EDNRB: variants seen among roughly 807,000 people sequenced by gnomAD.
The protein encoded by EDNRB is Hirschsprung disease 2.
A neutral mutation model predicts 46.4 loss-of-function variants in EDNRB; 18 were observed. The observed-to-expected ratio is 0.39, with a 90% CI of 0.27 to 0.57. EDNRB has a LOEUF of 0.57. Among genes scored for constraint, EDNRB ranks in the 20% least tolerant of loss-of-function variants. EDNRB has a pLI of 0.61. For synonymous variants in EDNRB, 213 were observed against 204.9 expected (o/e 1.04, Z -0.34); for missense variants, 434 against 537.5 (o/e 0.81, Z 1.90).
At chr13:77,901,710 A>G (rs1566305761) in intron 3 of EDNRB, among the ~76,000 whole-genome samples, 1 of 151,998 alleles carries the variant, frequency 6.6e-6, no homozygotes, top group Non-Finnish European at 1.5e-5. Context: ...CTTTTGACTT[A>G]TGTCGTATCT....
intron 1 of EDNRB, among the ~76,000 whole-genome samples, chr13:77,906,745 C>T (rs1280756092): frequency 6.6e-6 from 1 of 151,994 alleles, no homozygotes; most frequent in Non-Finnish European, 1.5e-5. Flanking sequence ...AGACCCTAAG[C>T]CAGGGCCACC....
chr13:77,971,378 C>A (rs376357606), intron 1 of EDNRB, among the ~76,000 whole-genome samples: 1 of 152,200 alleles, frequency 6.6e-6, no homozygotes, highest in African/African-American at 2.4e-5. Context: ...CTTGTGCTAA[C>A]AGGGCCATTG....
intron 1 of EDNRB, among the ~76,000 whole-genome samples, chr13:77,967,633 C>A (rs1011983685): frequency 7.2e-5 from 11 of 152,192 alleles, no homozygotes; most frequent in African/African-American, 2.7e-4. Flanking sequence ...GTGCAACCTA[C>A]ATTGGTAGAG....
chr13:77,963,056 C>T (rs1480178700), intron 1 of EDNRB, among the ~76,000 whole-genome samples: 1 of 152,178 alleles, frequency 6.6e-6, no homozygotes, highest in Non-Finnish European at 1.5e-5. Flanking sequence ...AGGAATCCAA[C>T]TTACAAGGGA....
chr13:77,920,488 A>T (rs1566319185), upstream of EDNRB, among the ~76,000 whole-genome samples: 1 of 152,186 alleles, frequency 6.6e-6, no homozygotes, highest in African/African-American at 2.4e-5. Flanking sequence ...TTTCACCCAG[A>T]GACAGGAGGC....
chr13:77,966,797 G>T (rs1191421306), intron 1 of EDNRB, among the ~76,000 whole-genome samples: 1 of 152,138 alleles, frequency 6.6e-6, no homozygotes, highest in Admixed American at 6.6e-5. Context: ...TTCTGAGACT[G>T]ACTATGTGAA....
chr13:77,923,737 C>A (rs940682437), upstream of EDNRB, among the ~76,000 whole-genome samples: 1 of 149,490 alleles, frequency 6.7e-6, no homozygotes, highest in African/African-American at 2.5e-5. Flanking sequence ...GAAAGAGAAA[C>A]TTGGATCTTT....
At chr13:77,916,769 A>AT (rs1879826284) in intron 1 of EDNRB, among the ~76,000 whole-genome samples, 1 of 152,184 alleles carries the variant, frequency 6.6e-6, no homozygotes. Context: ...GCTATAGGCA[A>AT]ATCTGCAAAG....
chr13:77,938,349 T>C (rs1880629955), intron 1 of EDNRB, among the ~76,000 whole-genome samples: 2 of 146,800 alleles, frequency 1.4e-5, no homozygotes, highest in South Asian at 4.4e-4. Flanking sequence ...AGATAAGAGG[T>C]CGGGGTATGG....
Position 77,957,560 on chromosome 13 carries a change from A to G in EDNRB, c.-52+17787T>C, listed in dbSNP as rs562873440. 2.6e-3 allele frequency among the ~76,000 whole-genome samples: 403 copies of G among 152,360 alleles called. 4 individuals carry two copies. Among genetic ancestry groups the G allele is most frequent in the African/African-American group, 9.3e-3 (387 of 41,584 alleles). On this transcript the variant is annotated intron_variant, in intron 1 of 7. Coordinates refer to the EDNRB transcript ENST00000646948. ...TATTTTCCCAGTCTGTCATTTGGGA[A>G]TAACAATAATACCTATCCTAGAAGG...
rs1878663828 is a variant in EDNRB, at chr13:77,897,000, G to A, written c.*1200C>T. ...AAAATAATACAAAAATTAGTAATAAGCTTTACAGGTAGCTGTTAAATGTAC... is the reference window on the plus strand; with the variant it reads ...AAAATAATACAAAAATTAGTAATAAACTTTACAGGTAGCTGTTAAATGTAC... On this transcript the variant is annotated 3_prime_UTR_variant, in exon 7 of 7. Transcript: ENST00000646607. 2 of 990,530 alleles carry A rather than the reference G, an allele frequency of 2.0e-6. No homozygotes were observed. Among genetic ancestry groups the A allele is most frequent in the Non-Finnish European group, 2.4e-6 (2 of 833,564 alleles). 61.4% of individuals were successfully genotyped at this position (990,530 alleles called of 1,614,324 possible).
chr13:77,907,488 T>C (rs1450778565), intron 1 of EDNRB, among the ~76,000 whole-genome samples: 1 of 151,930 alleles, frequency 6.6e-6, no homozygotes, highest in Non-Finnish European at 1.5e-5. Context: ...AACCAATTCC[T>C]CATTATCTAT....
Position 77,968,984 on chromosome 13 carries a change from G to A in EDNRB, c.-52+6363C>T, listed in dbSNP as rs139689551. Among the ~76,000 whole-genome samples the A allele has an allele frequency of 2.2e-4, 34 of 152,268 alleles. 1 individual carries two copies. The highest frequency in any genetic ancestry group is 6.5e-4 in the African/African-American group (27 of 41,566). ...AGGAGATACTTAGAGTTACTTCAGC[G>A]TTTGGTATTGTAAAATGACATCCAT... On this transcript the variant is annotated intron_variant, in intron 1 of 7. Coordinates refer to the EDNRB transcript ENST00000646948.
chr13:77,927,786 T>A (rs1390488162), intron 1 of EDNRB, among the ~76,000 whole-genome samples: 1 of 152,194 alleles, frequency 6.6e-6, no homozygotes, highest in Non-Finnish European at 1.5e-5. Context: ...TACTCAGGTA[T>A]TGATAAGGTC....
chr13:77,929,022 T>C (rs1290512337), intron 1 of EDNRB, among the ~76,000 whole-genome samples: 1 of 152,154 alleles, frequency 6.6e-6, no homozygotes, highest in African/African-American at 2.4e-5. Flanking sequence ...TATTTAAACG[T>C]TCATCAGCTA....
intron 1 of EDNRB, among the ~76,000 whole-genome samples, chr13:77,952,452 C>T (rs12720138): frequency 0.036 from 5,459 of 152,204 alleles, 164 homozygotes; most frequent in East Asian, 0.087. Flanking sequence ...CCCTTAACTG[C>T]AAACATCTGG....
intron 1 of EDNRB, among the ~76,000 whole-genome samples, chr13:77,935,624 C>A (rs757205097): frequency 6.6e-6 from 1 of 152,084 alleles, no homozygotes; most frequent in Non-Finnish European, 1.5e-5. Flanking sequence ...ATGAGAATTA[C>A]GCCAAAACAG....
intron 1 of EDNRB, chr13:77,975,229 C>T (rs574764885): frequency 6.6e-6 from 1 of 152,402 alleles, no homozygotes; most frequent in South Asian, 2.1e-4. Context: ...TCCTGTCAAG[C>T]AATTCAAACC....
upstream of EDNRB, chr13:77,919,520 T>A (rs999821022): frequency 6.2e-7 from 1 of 1,612,116 alleles, no homozygotes; most frequent in Admixed American, 1.7e-5. Context: ...TGCAGGCGGG[T>A]CCGGCTCTGA....
Sources: allele counts gnomAD v4.1 joint callset (sites outside exome capture counted in the v4.1 genomes callset), GRCh38; gene constraint gnomAD v4.1.1; transcripts MANE v1.5; gene names NCBI Gene and HGNC (gene_info 2026-07-23, HGNC 2026-07-21).